The following PTPRB variants were observed in gnomAD, a reference collection of about 807,000 sequenced individuals.
PTPRB encodes protein tyrosine phosphatase receptor type B.
Under a neutral mutation model 238.1 loss-of-function variants are expected in PTPRB, and 97 were observed. The ratio of observed to expected loss-of-function variants is 0.41; its 90% CI spans 0.35 to 0.48. PTPRB has a LOEUF of 0.48. PTPRB is among the 20% of genes least tolerant of loss of function. PTPRB has a pLI of 0.30. For synonymous variants in PTPRB, 970 were observed against 995.4 expected (o/e 0.97, Z 0.48); for missense variants, 2,292 against 2,681.9 (o/e 0.85, Z 3.21).
In PTPRB at chr12:70,587,298, G is replaced by T. The variant is rs768581903; in HGVS notation, c.2051-31C>A. ...GAAAAAGCAATGGAGATGGGTCATT[G>T]ATGGACTGAGGCATATTCATAGGGT... On this transcript the variant is annotated intron_variant, in intron 8 of 33. Transcript: ENST00000334414. 1.9e-6 allele frequency: 3 copies of T among 1,610,042 alleles called. No homozygotes were observed. The South Asian group carries it at 3.3e-5, about 18-fold the overall frequency.
chr12:70,625,914 A>G (rs537591634), intron 2 of PTPRB, among the ~76,000 whole-genome samples: 7 of 152,304 alleles, frequency 4.6e-5, no homozygotes, highest in Admixed American at 1.3e-4. Flanking sequence ...ATAGGGTACT[A>G]TCACCTTACA....
At position 70,581,239 on chromosome 12, in the gene PTPRB, T is replaced by C; in HGVS notation, c.2375A>G (p.Asn792Ser). 2 of 1,613,968 alleles carry C rather than the reference T, an allele frequency of 1.2e-6. No individual in the cohort carries two copies. The highest frequency in any genetic ancestry group is 1.6e-4 in the Middle Eastern group (1 of 6,062). The part of the protein sequence containing the change: ...NQGMTSSLFT[N>S]WTQAQGDVEF... ...TACGTCTCCTTGTGCCTGGGTCCAG[T>C]TAGTAAACAGACTACTGGTCATTCC... Residue 792 changes from asparagine to serine, a missense_variant, in exon 10 of 34, where the codon AAC (asparagine) becomes AGC (serine). Physicochemically the swap from Asn to Ser is conservative, Grantham distance 46. Around this residue, in one of 4 missense-constraint regions of PTPRB, gnomAD observed 1,205 missense variants for 1,287.8 expected, o/e 0.94. Transcript: ENST00000334414.
intron 21 of PTPRB, among the ~76,000 whole-genome samples, chr12:70,552,208 G>T (rs1876979540): frequency 6.6e-6 from 1 of 152,164 alleles, no homozygotes; most frequent in African/African-American, 2.4e-5. Context: ...GAAGGGCCAG[G>T]CATGGTGGCT....
At chr12:70,570,027 GGCACCCAC>G in intron 13 of PTPRB, 89 bp from the exon 14 acceptor site, 1 of 1,235,282 alleles carries the variant, frequency 8.1e-7, no homozygotes, top group East Asian at 2.5e-5. Context: ...CTGATGTTTT[GGCACCCAC>G]TGAGAGAACT....
rs775904281 is a variant in PTPRB at position 70,609,082 on chromosome 12, C to T, written c.966G>A (p.Val322=). The T allele has an allele frequency of 2.5e-6, 4 of 1,613,856 alleles. No homozygotes were observed. In the African/African-American group the frequency reaches 4.0e-5, roughly 16 times the overall value. Residue 322 remains valine (V), a synonymous_variant, in exon 4 of 34, where the codon GTG becomes GTA. Transcript: ENST00000334414. ...GTCATCCTTTACCTGTTTGCAAGAC[C>T]ACTGTTCTCTCTTCATCCAGAGAAA... ...RIISLDEERT[V]VLQTDPLPPA...
intron 31 of PTPRB, among the ~76,000 whole-genome samples, chr12:70,533,652 T>C (rs1277389398): frequency 6.6e-6 from 1 of 152,226 alleles, no homozygotes; most frequent in African/African-American, 2.4e-5. Context: ...TAATCTTCAA[T>C]GCAACAGTAT....
At chr12:70,573,505 C>CTTTTTTTTTTTTTTTT (rs937307862) in intron 11 of PTPRB, among the ~76,000 whole-genome samples, 2 of 90,824 alleles carry the variant, frequency 2.2e-5, no homozygotes, top group African/African-American at 4.1e-5. Flanking sequence ...CTTTTCTTTT[C>CTTTTTTTTTTTTTTTT]TTTTTTTTTT....
At chr12:70,625,507 T>A (rs79281857) in intron 2 of PTPRB, among the ~76,000 whole-genome samples, 4,699 of 152,000 alleles carry the variant, frequency 0.031, 97 homozygotes, top group Non-Finnish European at 0.046. Flanking sequence ...ATAAAATGGA[T>A]GGGAAGAAAG....
chr12:70,580,466 A>G (rs955130974), intron 10 of PTPRB, among the ~76,000 whole-genome samples: 1 of 152,338 alleles, frequency 6.6e-6, no homozygotes, highest in South Asian at 2.1e-4. Flanking sequence ...AAGGAAATCA[A>G]CTGAATAGGG....
chr12:70,553,276 A>T (rs1456495187), intron 20 of PTPRB, among the ~76,000 whole-genome samples: 1 of 152,202 alleles, frequency 6.6e-6, no homozygotes, highest in Non-Finnish European at 1.5e-5. Context: ...GAAATAAAAT[A>T]AGGGTAGCTC....
intron 3 of PTPRB, 32 bp downstream of exon 3, chr12:70,622,358 C>G (rs1884977516): frequency 6.2e-7 from 1 of 1,606,694 alleles, no homozygotes; most frequent in African/African-American, 1.3e-5. Context: ...GAGACGTGCA[C>G]AGACCACACT....
At chr12:70,544,150 T>C (rs1345637547) in intron 22 of PTPRB, among the ~76,000 whole-genome samples, 1 of 152,196 alleles carries the variant, frequency 6.6e-6, no homozygotes, top group Admixed American at 6.5e-5. Context: ...GAGATACACA[T>C]CATTAATACT....
Position 70,566,423 on chromosome 12 carries a change from T to C in PTPRB, c.3904+12A>G. The C allele has an allele frequency of 6.2e-7, 1 of 1,612,718 alleles. No homozygotes were observed. Among genetic ancestry groups the C allele is most frequent in the South Asian group, 1.1e-5 (1 of 90,952 alleles). ...CAATATGTGCTACAAAACATTATGCTGTGCTAATTACCTGTTCGGCCTTCA... is the reference window on the plus strand; with the variant it reads ...CAATATGTGCTACAAAACATTATGCCGTGCTAATTACCTGTTCGGCCTTCA... On this transcript the variant is annotated intron_variant, in intron 15 of 33. Transcript: ENST00000334414.
intron 32 of PTPRB, among the ~76,000 whole-genome samples, chr12:70,525,704 T>C (rs1338339533): frequency 6.6e-6 from 1 of 152,214 alleles, no homozygotes; most frequent in Non-Finnish European, 1.5e-5. Flanking sequence ...AGTTCTCTTA[T>C]AAGGAAATTG....
Position 70,556,259 on chromosome 12 carries a change from G to A in PTPRB, c.4715-111C>T, listed in dbSNP as rs1877662592. On this transcript the variant is annotated intron_variant, in intron 18 of 33. Coordinates refer to ENST00000334414, the MANE Select transcript of PTPRB (RefSeq NM_001109754.4). ...ATCTAGGTATAGGAGGGACAGACAG[G>A]CAAATACAGAGTGTCGTGGCTCACC... 6.2e-6 allele frequency: 6 copies of A among 974,904 alleles called. No individual in the cohort carries two copies. In the South Asian group the frequency reaches 8.7e-5, roughly 14 times the overall value. 60.4% of individuals were successfully genotyped at this position (974,904 alleles called of 1,614,324 possible).
At chr12:70,576,684 A>AGTGGGGG (rs1880806252) in intron 10 of PTPRB, 39 bp from the exon 11 acceptor site, 4 of 29,862 alleles carry the variant, frequency 1.3e-4, no homozygotes, top group Admixed American at 6.1e-4. Flanking sequence ...GGGGGGGGGA[A>AGTGGGGG]GGGGGATTCA....
In PTPRB at chr12:70,520,851, C is replaced by CACTT. The variant is rs1871577008; in HGVS notation, c.*634_*637dup. 1 of 152,430 alleles carries CACTT rather than the reference C, an allele frequency of 6.6e-6. No individual in the cohort carries two copies. Among genetic ancestry groups the CACTT allele is most frequent in the Non-Finnish European group, 1.5e-5 (1 of 68,242 alleles). 9.4% of individuals were successfully genotyped at this position (152,430 alleles called of 1,614,324 possible). The stretch of plus-strand genomic sequence containing the variant: ...CAAGTTACATGATCCCTGAGCTGAC[C>CACTT]ACTTTGGCTTGAATCCCTGGAAGGA... On this transcript the variant is annotated 3_prime_UTR_variant, in exon 34 of 34. Coordinates refer to ENST00000334414, the MANE Select transcript of PTPRB (RefSeq NM_001109754.4).
chr12:70,524,132 A>G (rs540368029), intron 33 of PTPRB, among the ~76,000 whole-genome samples: 5 of 151,622 alleles, frequency 3.3e-5, no homozygotes, highest in Admixed American at 1.3e-4. Context: ...TCTTAGAGGC[A>G]GGATCTTGCT....
At chr12:70,589,427 G>A (rs1317843434) in intron 8 of PTPRB, among the ~76,000 whole-genome samples, 1 of 152,222 alleles carries the variant, frequency 6.6e-6, no homozygotes, top group Non-Finnish European at 1.5e-5. Context: ...GTATTTGACA[G>A]TATGAGGATA....
Sources: allele counts gnomAD v4.1 joint callset (sites outside exome capture counted in the v4.1 genomes callset), GRCh38; gene constraint gnomAD v4.1.1; regional missense constraint gnomAD v4.1.1; transcripts MANE v1.5; gene names NCBI Gene and HGNC (gene_info 2026-07-23, HGNC 2026-07-21).